The following FLT3 variants were observed in gnomAD, a reference collection of about 807,000 sequenced individuals.
The protein encoded by FLT3 is receptor-type tyrosine-protein kinase FLT3.
A neutral mutation model predicts 126.6 loss-of-function variants in FLT3; 46 were observed. The ratio of observed to expected loss-of-function variants is 0.36; its 90% CI spans 0.29 to 0.46. The LOEUF (loss-of-function observed/expected upper bound fraction) is 0.46, where lower values mean the gene tolerates loss of function less well. FLT3 is among the 20% of genes least tolerant of loss of function. The probability of loss-of-function intolerance (pLI) is 1.00; values close to 1 mark genes in which losing one functional copy is unlikely to be tolerated. For missense variants in FLT3, 1,069 were observed against 1,190.3 expected, an observed-to-expected ratio of 0.90 and a Z score of 1.50; for synonymous variants, 404 against 434.4, an observed-to-expected ratio of 0.93 and a Z score of 0.87.
chr13:28,049,878 T>C, intron 6 of FLT3, 104 bp from the exon 7 acceptor site: 2 of 1,262,650 alleles, frequency 1.6e-6, no homozygotes, highest in Non-Finnish European at 2.2e-6. Flanking sequence ...TCATCTCAAA[T>C]ATTACTAACC....
intron 23 of FLT3, among the ~76,000 whole-genome samples, chr13:28,014,218 G>A (rs1233462169): frequency 6.6e-6 from 1 of 152,054 alleles, no homozygotes; most frequent in Non-Finnish European, 1.5e-5. Context: ...GCTGCAGTGA[G>A]CCATGATCAC....
chr13:28,097,226 AAAAGAAAG>A (rs60643580), intron 1 of FLT3, among the ~76,000 whole-genome samples: 10 of 151,032 alleles, frequency 6.6e-5, no homozygotes, highest in African/African-American at 2.2e-4. Context: ...GAAAGAAAGA[AAAAGAAAG>A]AAAGAAAGGA....
intron 2 of FLT3, chr13:28,068,484 A>G (rs1465163170): frequency 3.3e-5 from 5 of 151,430 alleles, no homozygotes; most frequent in Admixed American, 1.3e-4. Context: ...CCATCTGGCT[A>G]ACATGGCAAA....
chr13:28,041,340 C>T (rs929137818), intron 9 of FLT3, among the ~76,000 whole-genome samples: 11 of 152,150 alleles, frequency 7.2e-5, no homozygotes, highest in Non-Finnish European at 1.6e-4. Context: ...GCCAGTGTGG[C>T]TCACCAGAGA....
intron 3 of FLT3, among the ~76,000 whole-genome samples, chr13:28,061,632 TG>T (rs557296746): frequency 4.3e-4 from 66 of 151,902 alleles, no homozygotes; most frequent in Non-Finnish European, 8.2e-4. Flanking sequence ...TAGCTGGGTG[TG>T]GTGGCACGCG....
chr13:28,061,929 G>A lies in FLT3; in HGVS notation c.306C>T (p.Ser102=), dbSNP rs1566091053. Residue 102 remains serine, a synonymous_variant, in exon 3 of 24, where the codon TCC becomes TCT. Transcript: ENST00000241453. Reference sequence around the variant, plus strand: ...AGCTGTGCTTAAAGACCCAGAGACAGGAAATGTTCCCTGGGGCGTCGACCA... The same window carrying A: ...AGCTGTGCTTAAAGACCCAGAGACAAGAAATGTTCCCTGGGGCGTCGACCA... The part of the protein sequence containing the change: ...QVLVDAPGNI[S]CLWVFKHSSL... 3.1e-6 allele frequency: 5 copies of A among 1,614,056 alleles called. No homozygotes were observed. In the South Asian group the frequency reaches 3.3e-5, roughly 11 times the overall value.
At chr13:28,009,825 G>A (rs1871211628) in intron 23 of FLT3, among the ~76,000 whole-genome samples, 1 of 152,150 alleles carries the variant, frequency 6.6e-6, no homozygotes. Context: ...GCCTCCCAGA[G>A]TGCTGGGATT....
intron 2 of FLT3, among the ~76,000 whole-genome samples, chr13:28,068,677 G>A (rs953595601): frequency 1.3e-5 from 2 of 152,056 alleles, no homozygotes; most frequent in African/African-American, 2.4e-5. Context: ...ATGATCCTCC[G>A]GCCTCAGCCT....
chr13:28,051,863 A>T (rs1248598331), intron 5 of FLT3, among the ~76,000 whole-genome samples: 1 of 150,724 alleles, frequency 6.6e-6, no homozygotes, highest in Non-Finnish European at 1.5e-5. Flanking sequence ...TCTTACTTAT[A>T]AGATAATTCT....
Position 28,100,383 on chromosome 13 carries a change from CG to C in FLT3, c.43+84del, listed in dbSNP as rs1389983646. ...GCGGGGAGGAGCGAGGCGGCTGGGC[CG>C]GAGGAGGCGCGCGCCCGGGTCCACA... On this transcript the variant is annotated intron_variant, in intron 1 of 23. Coordinates refer to ENST00000241453, the MANE Select transcript of FLT3 (RefSeq NM_004119.3). This position sits in a 1 kb window ranked among gnomAD's most constrained non-coding sequence, Gnocchi z 4.8. 1.7e-5 allele frequency: 16 copies of C among 965,178 alleles called. No individual in the cohort carries two copies. The highest frequency in any genetic ancestry group is 2.1e-5 in the Non-Finnish European group (16 of 752,572). 59.8% of individuals were successfully genotyped at this position (965,178 alleles called of 1,614,324 possible).
chr13:28,052,498 G>T (rs767471673), intron 5 of FLT3, 47 bp downstream of exon 5: 2 of 1,552,278 alleles, frequency 1.3e-6, no homozygotes, highest in South Asian at 2.4e-5. Context: ...TTAGAAAAAG[G>T]CCAAAAGGAA....
intron 3 of FLT3, 118 bp from the exon 4 acceptor site, chr13:28,057,580 C>T (rs1296764891): frequency 3.1e-6 from 2 of 643,194 alleles, no homozygotes; most frequent in Non-Finnish European, 5.6e-6. Flanking sequence ...GCACGGAAGC[C>T]GCTCTGTGGA....
In FLT3 at chr13:28,037,786, C is replaced by A. The variant is rs190780105; in HGVS notation, c.1206-498G>T. ...GGGCCACACAGCAGGAAGTGAGCAG[C>A]AGGCAAGAGAGCTTTACCGCTTCCT... On this transcript the variant is annotated intron_variant, in intron 9 of 23. Coordinates refer to ENST00000241453, the MANE Select transcript of FLT3 (RefSeq NM_004119.3). Among the ~76,000 whole-genome samples the A allele has an allele frequency of 4.6e-3, 703 of 152,274 alleles. 3 individuals are homozygous for A. The highest frequency in any genetic ancestry group is 7.7e-3 in the Non-Finnish European group (525 of 68,022).
At chr13:28,080,892 T>A (rs1023127170) in intron 1 of FLT3, among the ~76,000 whole-genome samples, 1 of 152,224 alleles carries the variant, frequency 6.6e-6, no homozygotes, top group African/African-American at 2.4e-5. Flanking sequence ...AAAGACTGAT[T>A]TCTCCACTGA....
chr13:28,075,597 T>C (rs984551336), intron 1 of FLT3, among the ~76,000 whole-genome samples: 2 of 151,602 alleles, frequency 1.3e-5, no homozygotes, highest in African/African-American at 4.9e-5. Context: ...AAGTGGCGCA[T>C]GCCTGTAGTC....
In FLT3 at chr13:28,062,044, C is replaced by T; in HGVS notation, c.191G>A (p.Gly64Glu). The stretch of plus-strand genomic sequence containing the variant: ...TGAGCTCTGGGGTCTCAACGCACAC[C>T]CGAGGTCTTCCGGGGATTCTGATAC... ...PMVSESPEDL[G>E]CALRPQSSGT... Residue 64 changes from glycine (G) to glutamate (E), a missense_variant, in exon 3 of 24, where the codon GGG (glycine) becomes GAG (glutamate). Gly to Glu is a moderately conservative substitution (Grantham distance 98, BLOSUM62 -2). Coordinates refer to ENST00000241453, the MANE Select transcript of FLT3 (RefSeq NM_004119.3). 6.2e-7 allele frequency: 1 copy of T among 1,612,248 alleles called. No individual in the cohort carries two copies.
chr13:28,027,800 G>C (rs988411252), intron 16 of FLT3, among the ~76,000 whole-genome samples: 1 of 152,194 alleles, frequency 6.6e-6, no homozygotes, highest in Admixed American at 6.5e-5. Context: ...AGGCTGTGCC[G>C]TATTTGACGG....
chr13:28,067,126 G>A (rs1014465596), intron 2 of FLT3, among the ~76,000 whole-genome samples: 3 of 152,158 alleles, frequency 2.0e-5, no homozygotes, highest in East Asian at 1.9e-4. Flanking sequence ...GGGTTCAAGC[G>A]ATTCTCCTGC....
chr13:28,054,294 T>C (rs1008381973), intron 4 of FLT3, among the ~76,000 whole-genome samples: 7 of 152,170 alleles, frequency 4.6e-5, no homozygotes, highest in African/African-American at 1.7e-4. Context: ...TTCATTGTGG[T>C]CTTAATTTAA....
Sources: allele counts gnomAD v4.1 joint callset (sites outside exome capture counted in the v4.1 genomes callset), GRCh38; gene constraint gnomAD v4.1.1; non-coding constraint Gnocchi (gnomAD v3.1); transcripts MANE v1.5; gene names NCBI Gene and HGNC (gene_info 2026-07-23, HGNC 2026-07-21).